FHIT: variants seen among roughly 807,000 people sequenced by gnomAD.
The protein encoded by FHIT is fragile histidine triad diadenosine triphosphatase, also known as bis(5'-adenosyl)-triphosphatase.
Under a neutral mutation model 17.9 loss-of-function variants are expected in FHIT, and 19 were observed. The ratio of observed to expected loss-of-function variants is 1.06; its 90% CI spans 0.74 to 1.56. The LOEUF is 1.56. Among genes scored for constraint, FHIT ranks in the 40% most tolerant of loss-of-function variants. The probability of loss-of-function intolerance (pLI) is 0.00; values close to 1 mark genes in which losing one functional copy is unlikely to be tolerated. For missense variants in FHIT, 248 were observed against 189.2 expected, an observed-to-expected ratio of 1.31 and a Z score of -1.82; for synonymous variants, 81 against 69.7, an observed-to-expected ratio of 1.16 and a Z score of -0.81.
chr3:60,529,203 G>A (rs2035681099), intron 5 of FHIT, among the ~76,000 whole-genome samples: 1 of 152,120 alleles, frequency 6.6e-6, no homozygotes, highest in Non-Finnish European at 1.5e-5. Context: ...GGAAATGGCA[G>A]CTAAGTAAAT....
chr3:60,077,420 A>G (rs1703061140), intron 5 of FHIT: 1 of 151,998 alleles, frequency 6.6e-6, no homozygotes. Flanking sequence ...AAATAAAAAT[A>G]AAAAAGGAAC....
chr3:60,831,933 T>A (rs570259354), intron 3 of FHIT, among the ~76,000 whole-genome samples: 68 of 152,080 alleles, frequency 4.5e-4, no homozygotes, highest in East Asian at 2.7e-3. Context: ...TGGAAAAAAA[T>A]CTCAGGTTTT....
intron 5 of FHIT, among the ~76,000 whole-genome samples, chr3:60,288,161 C>G (rs1042609480): frequency 6.6e-6 from 1 of 152,250 alleles, no homozygotes; most frequent in South Asian, 2.1e-4. Context: ...AACTTTATTC[C>G]TTGCTAGAGG....
intron 5 of FHIT, among the ~76,000 whole-genome samples, chr3:60,206,485 T>G (rs949972577): frequency 6.6e-6 from 1 of 152,156 alleles, no homozygotes; most frequent in Non-Finnish European, 1.5e-5. Context: ...GCACAATTTT[T>G]TTCTTTTGTT....
At chr3:59,749,630 T>A (rs1023510533) in intron 9 of FHIT, 51 bp from the exon 10 acceptor site, 10 of 230,610 alleles carry the variant, frequency 4.3e-5, no homozygotes, top group African/African-American at 2.2e-4. Flanking sequence ...ACATCAGAAA[T>A]CTTCTCTGTA....
At chr3:61,012,387 G>T (rs1183482122) in intron 3 of FHIT, among the ~76,000 whole-genome samples, 1 of 151,996 alleles carries the variant, frequency 6.6e-6, no homozygotes, top group Non-Finnish European at 1.5e-5. Flanking sequence ...AGTTGTCAGA[G>T]GATGAATCAT....
At chr3:60,230,751 C>T (rs1704455561) in intron 5 of FHIT, among the ~76,000 whole-genome samples, 1 of 152,184 alleles carries the variant, frequency 6.6e-6, no homozygotes, top group Non-Finnish European at 1.5e-5. Flanking sequence ...ACTCTGTCTG[C>T]TCAGGATGGA....
At chr3:60,077,322 A>C (rs980080499) in intron 5 of FHIT, 7 of 152,018 alleles carry the variant, frequency 4.6e-5, no homozygotes, top group Non-Finnish European at 8.8e-5. Context: ...GCCTACCTCT[A>C]CTCACAGAGA....
intron 8 of FHIT, among the ~76,000 whole-genome samples, chr3:59,919,581 A>T (rs746247332): frequency 2.6e-5 from 4 of 152,062 alleles, no homozygotes; most frequent in Non-Finnish European, 4.4e-5. Flanking sequence ...TTTGTCACTA[A>T]CCATCTTAAA....
intron 8 of FHIT, among the ~76,000 whole-genome samples, chr3:59,791,308 A>G (rs1699546849): frequency 6.6e-6 from 1 of 151,996 alleles, no homozygotes; most frequent in African/African-American, 2.4e-5. Context: ...TTTTATAGGC[A>G]TTACTGAAGC....
At chr3:60,683,871 A>T (rs2107868156) in intron 4 of FHIT, among the ~76,000 whole-genome samples, 1 of 152,330 alleles carries the variant, frequency 6.6e-6, no homozygotes, top group East Asian at 1.9e-4. Context: ...TCTGATCATC[A>T]GGAATCAATT....
chr3:60,027,890 G>A (rs368448589), intron 5 of FHIT, among the ~76,000 whole-genome samples: 2 of 152,094 alleles, frequency 1.3e-5, no homozygotes, highest in African/African-American at 4.8e-5. Flanking sequence ...GTAGCCACTA[G>A]CCATATGTGG....
At chr3:60,583,572 A>G (rs2037814722) in intron 4 of FHIT, among the ~76,000 whole-genome samples, 1 of 152,002 alleles carries the variant, frequency 6.6e-6, no homozygotes, top group Non-Finnish European at 1.5e-5. Context: ...GTTTCACATC[A>G]TTTTCATGTG....
chr3:60,414,000 TG>T (rs1702156898), intron 5 of FHIT, among the ~76,000 whole-genome samples: 1 of 152,188 alleles, frequency 6.6e-6, no homozygotes, highest in African/African-American at 2.4e-5. Context: ...GAAATAACTA[TG>T]TAACTACAAA....
At chr3:60,191,276 T>C (rs773834563) in intron 5 of FHIT, among the ~76,000 whole-genome samples, 1 of 152,146 alleles carries the variant, frequency 6.6e-6, no homozygotes, top group Non-Finnish European at 1.5e-5. Context: ...TAAACACATG[T>C]TTTATTAAAA....
chr3:59,929,456 T>C (rs1377453015), intron 7 of FHIT, among the ~76,000 whole-genome samples: 4 of 142,524 alleles, frequency 2.8e-5, no homozygotes, highest in African/African-American at 1.0e-4. Flanking sequence ...CTGCAACCTC[T>C]GCCTCCCAAG....
At chr3:60,652,275 G>A (rs1234385730) in intron 4 of FHIT, among the ~76,000 whole-genome samples, 1 of 152,148 alleles carries the variant, frequency 6.6e-6, no homozygotes, top group Admixed American at 6.5e-5. Context: ...TAAAAAAGTG[G>A]GGAGAACCAT....
At chr3:60,801,669 T>A (rs1553732343) in intron 4 of FHIT, among the ~76,000 whole-genome samples, 1 of 152,260 alleles carries the variant, frequency 6.6e-6, no homozygotes, top group Non-Finnish European at 1.5e-5. Flanking sequence ...ATTAATCTTA[T>A]GACAGTATTG....
At chr3:61,113,669 C>A (rs557302501) in intron 2 of FHIT, among the ~76,000 whole-genome samples, 1 of 152,314 alleles carries the variant, frequency 6.6e-6, no homozygotes, top group Non-Finnish European at 1.5e-5. Flanking sequence ...TTTGACATCT[C>A]TCTTGAATTG....
Sources: allele counts gnomAD v4.1 joint callset (sites outside exome capture counted in the v4.1 genomes callset), GRCh38; gene constraint gnomAD v4.1.1; transcripts MANE v1.5; gene names NCBI Gene and HGNC (gene_info 2026-07-23, HGNC 2026-07-21).